KCNN3: variants seen among roughly 807,000 people sequenced by gnomAD.
KCNN3 encodes potassium calcium-activated channel subfamily N member 3.
KCNN3 carries 16 observed loss-of-function variants against 62.9 expected under a neutral mutation model. The observed-to-expected ratio is 0.25, with a 90% CI of 0.17 to 0.39. KCNN3 has a LOEUF of 0.39. Ranked by LOEUF, KCNN3 falls within the 10% of genes least tolerant of loss-of-function variation. The pLI, the probability that KCNN3 is intolerant of heterozygous loss-of-function variation, is 1.00. For synonymous variants in KCNN3, 370 were observed against 389.2 expected, an observed-to-expected ratio of 0.95 and a Z score of 0.58; for missense variants, 599 against 949.4, an observed-to-expected ratio of 0.63 and a Z score of 4.85.
chr1:154,842,044 A>G (rs906803321), intron 1 of KCNN3, among the ~76,000 whole-genome samples: 2 of 152,180 alleles, frequency 1.3e-5, no homozygotes, highest in Non-Finnish European at 2.9e-5. Context: ...AGCCCAGGGT[A>G]AGGGGTGAGG....
At chr1:154,863,366 G>A (rs1652836150) in intron 1 of KCNN3, among the ~76,000 whole-genome samples, 1 of 152,170 alleles carries the variant, frequency 6.6e-6, no homozygotes, top group South Asian at 2.1e-4. Flanking sequence ...ATTTAAAGAG[G>A]AATAGGTGCC....
chr1:154,756,273 G>A (rs577786557), intron 3 of KCNN3, among the ~76,000 whole-genome samples: 1 of 148,474 alleles, frequency 6.7e-6, no homozygotes, highest in South Asian at 2.2e-4. Context: ...AGAAGAAGAC[G>A]ACGACGATGA....
chr1:154,833,571 C>T (rs1251538097), intron 1 of KCNN3, among the ~76,000 whole-genome samples: 3 of 152,176 alleles, frequency 2.0e-5, no homozygotes, highest in Non-Finnish European at 4.4e-5. Flanking sequence ...TCTGACTCCC[C>T]GATTCTATAG....
rs1289910281 is a variant in KCNN3, at chr1:154,870,264, A to G, written c.-300T>C. The G allele has an allele frequency of 1.8e-6, 1 of 561,586 alleles. No individual in the cohort carries two copies. The highest frequency in any genetic ancestry group is 1.7e-5 in the South Asian group (1 of 59,806). 34.8% of individuals were successfully genotyped at this position (561,586 alleles called of 1,614,324 possible). On this transcript the variant is annotated 5_prime_UTR_variant, in exon 1 of 8. Transcript: ENST00000271915. ...AGCGTGTGAGGCCAGGCTCAGCTTC[A>G]CTCCTCGCTGGCTCAATAGCTTCGC...
chr1:154,781,842 C>A (rs1447590599), intron 2 of KCNN3, among the ~76,000 whole-genome samples: 2 of 152,176 alleles, frequency 1.3e-5, no homozygotes, highest in Non-Finnish European at 2.9e-5. Flanking sequence ...ACAGAGCTTA[C>A]ATTTCAGGGG....
At chr1:154,751,100 G>C (rs1203451561) in intron 3 of KCNN3, among the ~76,000 whole-genome samples, 1 of 152,236 alleles carries the variant, frequency 6.6e-6, no homozygotes, top group African/African-American at 2.4e-5. Context: ...CAGGGCATCA[G>C]ATGTGTGAGC....
intron 3 of KCNN3, among the ~76,000 whole-genome samples, chr1:154,760,826 G>T (rs931225177): frequency 6.9e-6 from 1 of 145,224 alleles, no homozygotes; most frequent in Non-Finnish European, 1.5e-5. Flanking sequence ...GCGGCCGGCC[G>T]CAGAGGGGCT....
At position 154,772,279 on chromosome 1, in the gene KCNN3, A is replaced by G. The variant is rs1434354109; in HGVS notation, c.1144T>C (p.Tyr382His). ...AGGCGTGCCGTCCAGAAGAACTTGTACTCGCCAGGAATGGGGTGGATGGCG... is the reference window on the plus strand; with the variant it reads ...AGGCGTGCCGTCCAGAAGAACTTGTGCTCGCCAGGAATGGGGTGGATGGCG... ...VCAIHPIPGE[Y>H]KFFWTARLAF... Residue 382 changes from tyrosine (Y) to histidine (H), a missense_variant, in exon 3 of 8, where the codon TAC (tyrosine) becomes CAC (histidine). By Grantham distance (83) the Tyr-to-His change is moderately conservative. Transcript: ENST00000271915. The surrounding 1 kb of genome is among the most constrained non-coding windows in gnomAD (Gnocchi z 5.6). 1 of 1,614,124 alleles carries G rather than the reference A, an allele frequency of 6.2e-7. No individual in the cohort carries two copies.
intron 2 of KCNN3, among the ~76,000 whole-genome samples, chr1:154,811,252 G>A (rs905115130): frequency 6.6e-6 from 1 of 152,158 alleles, no homozygotes; most frequent in Admixed American, 6.5e-5. Flanking sequence ...GATGATGTGC[G>A]AAGAGAGCTC....
intron 2 of KCNN3, among the ~76,000 whole-genome samples, chr1:154,789,169 C>T (rs1203922813): frequency 6.6e-6 from 1 of 152,172 alleles, no homozygotes; most frequent in Non-Finnish European, 1.5e-5. Flanking sequence ...GAGGGCCTGC[C>T]TTCCCTGCCT....
intron 7 of KCNN3, 127 bp downstream of exon 7, chr1:154,713,337 C>T: frequency 2.7e-6 from 2 of 733,170 alleles, no homozygotes; most frequent in Non-Finnish European, 5.0e-6. Flanking sequence ...TTGAACCAAG[C>T]AGAAATTTTT....
chr1:154,798,304 C>G (rs1209285469), intron 2 of KCNN3, among the ~76,000 whole-genome samples: 2 of 152,228 alleles, frequency 1.3e-5, no homozygotes, highest in African/African-American at 4.8e-5. Flanking sequence ...GCCAGGTGCT[C>G]TGACACACAG....
At position 154,704,960 on chromosome 1, in the gene KCNN3, A is replaced by G. The variant is rs551169114; in HGVS notation, c.*3016T>C. 6.6e-6 allele frequency: 1 copy of G among 152,070 alleles called. No individual in the cohort carries two copies. Among genetic ancestry groups the G allele is most frequent in the South Asian group, 2.1e-4 (1 of 4,818 alleles). 9.4% of individuals were successfully genotyped at this position (152,070 alleles called of 1,614,324 possible). A position where few individuals can be genotyped will look rare whatever the true frequency, so the allele number is the denominator to read the frequency against. On this transcript the variant is annotated 3_prime_UTR_variant, in exon 8 of 8. Coordinates refer to ENST00000271915, the MANE Select transcript of KCNN3 (RefSeq NM_002249.6). Reference sequence around the variant, plus strand: ...CAGCTAATTTTTGTATTTTTAGTAGAGATGGGGTTTTGCCATGTTGGCCAG... The same window carrying G: ...CAGCTAATTTTTGTATTTTTAGTAGGGATGGGGTTTTGCCATGTTGGCCAG...
At chr1:154,845,377 C>T (rs1044668802) in intron 1 of KCNN3, among the ~76,000 whole-genome samples, 58 of 152,302 alleles carry the variant, frequency 3.8e-4, no homozygotes, top group African/African-American at 1.3e-3. Flanking sequence ...GCTGCTCAGC[C>T]CCAGGAGCCC....
intron 1 of KCNN3, among the ~76,000 whole-genome samples, chr1:154,849,353 A>G (rs1280768079): frequency 6.6e-6 from 1 of 152,210 alleles, no homozygotes; most frequent in Non-Finnish European, 1.5e-5. Context: ...GCAGGGGCCA[A>G]TGGGGGTTCC....
At chr1:154,835,839 A>G (rs1344711273) in intron 1 of KCNN3, among the ~76,000 whole-genome samples, 1 of 152,230 alleles carries the variant, frequency 6.6e-6, no homozygotes, top group Non-Finnish European at 1.5e-5. Flanking sequence ...CCACAGATGG[A>G]AAAACTAAGG....
chr1:154,702,501 G>A lies in KCNN3; in HGVS notation c.*5475C>T, dbSNP rs188834015. ...TCCATTAACATCCTGTCATTCTCTT[G>A]TTGTTCTCGTGGCCAGTGCAGAATG... On this transcript the variant is annotated 3_prime_UTR_variant, in exon 8 of 8. Coordinates refer to ENST00000271915, the MANE Select transcript of KCNN3 (RefSeq NM_002249.6). 128 of 151,028 alleles carry A rather than the reference G, an allele frequency of 8.5e-4. No homozygotes were observed. Among genetic ancestry groups the A allele is most frequent in the African/African-American group, 2.8e-3 (115 of 41,234 alleles). 9.4% of individuals were successfully genotyped at this position (151,028 alleles called of 1,614,324 possible). A position where few individuals can be genotyped will look rare whatever the true frequency, so the allele number is the denominator to read the frequency against.
In KCNN3 at chr1:154,704,612, T is replaced by C. The variant is rs971438469; in HGVS notation, c.*3364A>G. On this transcript the variant is annotated 3_prime_UTR_variant, in exon 8 of 8. Transcript: ENST00000271915. Reference sequence around the variant, plus strand: ...TGGTTCTGTATTTCTAATTCAAGTGTCTAGATATTTTAGGAATATTAGAGT... The same window carrying C: ...TGGTTCTGTATTTCTAATTCAAGTGCCTAGATATTTTAGGAATATTAGAGT... The C allele has an allele frequency of 3.9e-5, 6 of 152,136 alleles. No homozygotes were observed. Among genetic ancestry groups the C allele is most frequent in the Admixed American group, 6.6e-5 (1 of 15,262 alleles). 9.4% of individuals were successfully genotyped at this position (152,136 alleles called of 1,614,324 possible).
intron 5 of KCNN3, among the ~76,000 whole-genome samples, chr1:154,720,695 A>T (rs1319789728): frequency 6.6e-6 from 1 of 152,232 alleles, no homozygotes; most frequent in Non-Finnish European, 1.5e-5. Flanking sequence ...GTTTTTGAGC[A>T]GGAAGTAATT....
Sources: gnomAD v4.1 joint callset for allele counts (sites outside exome capture counted in the v4.1 genomes callset) on GRCh38, gnomAD v4.1.1 for gene constraint, Gnocchi (gnomAD v3.1) non-coding constraint, MANE v1.5 for transcripts, NCBI Gene and HGNC (gene_info 2026-07-23, HGNC 2026-07-21) for gene names.